Variants in FOXP2 observed in about 807,000 individuals in gnomAD.
FOXP2 encodes forkhead box P2, also known as forkhead box protein P2.
A neutral mutation model predicts 115.8 loss-of-function variants in FOXP2; 12 were observed. The observed-to-expected ratio is 0.10, with a 90% CI of 0.07 to 0.17. FOXP2 has a LOEUF of 0.17. Among genes scored for constraint, FOXP2 ranks in the 10% least tolerant of loss-of-function variants. The pLI is 1.00. For missense variants in FOXP2, 629 were observed against 843.5 expected, an observed-to-expected ratio of 0.75 and a Z score of 3.15; for synonymous variants, 328 against 297.7, an observed-to-expected ratio of 1.10 and a Z score of -1.05.
chr7:114,372,706 T>G (rs1008812182), intron 2 of FOXP2, among the ~76,000 whole-genome samples: 1 of 152,096 alleles, frequency 6.6e-6, no homozygotes, highest in Admixed American at 6.5e-5. Flanking sequence ...CATTTCACTG[T>G]TAGGGTTTTT....
At chr7:114,238,073 A>G (rs979541114) in intron 1 of FOXP2, among the ~76,000 whole-genome samples, 4 of 152,192 alleles carry the variant, frequency 2.6e-5, no homozygotes, top group Non-Finnish European at 5.9e-5. Context: ...CTTTTGACAT[A>G]TGTATTTTTT....
At chr7:114,540,357 C>A (rs1167918135) in intron 3 of FOXP2, among the ~76,000 whole-genome samples, 1 of 151,978 alleles carries the variant, frequency 6.6e-6, no homozygotes, top group Non-Finnish European at 1.5e-5. Flanking sequence ...TAGTGCCTAG[C>A]ACAGTGCTTG....
In FOXP2 at chr7:114,439,497, G is replaced by A. The variant is rs540479270; in HGVS notation, c.168+12818G>A. Among the ~76,000 whole-genome samples, 7 of 152,078 alleles carry A rather than the reference G, an allele frequency of 4.6e-5. No individual in the cohort carries two copies. In the East Asian group the frequency reaches 5.8e-4, roughly 13 times the overall value. On this transcript the variant is annotated intron_variant, in intron 2 of 16. Coordinates refer to ENST00000350908, the MANE Select transcript of FOXP2 (RefSeq NM_014491.4). The stretch of plus-strand genomic sequence containing the variant: ...TCTAATGATGTAATCAAATATAAAC[G>A]TGGTATTATAGCAACAATAAACAGC...
At chr7:114,263,950 G>A (rs1795826631) in intron 1 of FOXP2, among the ~76,000 whole-genome samples, 1 of 151,838 alleles carries the variant, frequency 6.6e-6, no homozygotes, top group African/African-American at 2.4e-5. Context: ...TAATATTTGT[G>A]TGTTTTAAAA....
At chr7:114,123,191 A>G (rs1347157504) in intron 1 of FOXP2, among the ~76,000 whole-genome samples, 2 of 151,860 alleles carry the variant, frequency 1.3e-5, no homozygotes, top group African/African-American at 2.4e-5. Context: ...TCTCTACAAA[A>G]TTAATTTAAA....
At chr7:114,682,171 A>G (rs1808118728) in intron 16 of FOXP2, among the ~76,000 whole-genome samples, 1 of 152,150 alleles carries the variant, frequency 6.6e-6, no homozygotes, top group African/African-American at 2.4e-5. Context: ...AGCTTTTCCA[A>G]GGTTGCATAG....
intron 1 of FOXP2, among the ~76,000 whole-genome samples, chr7:114,130,104 A>G (rs998685194): frequency 6.6e-6 from 1 of 152,254 alleles, no homozygotes; most frequent in Admixed American, 6.5e-5. Flanking sequence ...GCTTGAGCCC[A>G]GGAGTTCAAG....
At chr7:114,335,865 C>T (rs1207838138) in intron 2 of FOXP2, among the ~76,000 whole-genome samples, 1 of 151,190 alleles carries the variant, frequency 6.6e-6, no homozygotes, top group African/African-American at 2.4e-5. Context: ...CAATAATTTT[C>T]TATTCCTAAC....
chr7:114,649,439 G>A (rs931598156), intron 8 of FOXP2, among the ~76,000 whole-genome samples: 4 of 152,068 alleles, frequency 2.6e-5, no homozygotes, highest in African/African-American at 9.7e-5. Flanking sequence ...GGCACTGACT[G>A]AGAAAATCCA....
chr7:114,302,611 A>T (rs1225621934), intron 2 of FOXP2, among the ~76,000 whole-genome samples: 1 of 152,224 alleles, frequency 6.6e-6, no homozygotes, highest in Non-Finnish European at 1.5e-5. Context: ...ACACAGAAAG[A>T]TAACTCTATA....
chr7:114,259,971 C>A (rs112034939), intron 1 of FOXP2, among the ~76,000 whole-genome samples: 2,410 of 152,148 alleles, frequency 0.016, 31 homozygotes, highest in African/African-American at 0.029. Flanking sequence ...CTCACTGCAA[C>A]CTCCATCTCC....
At chr7:114,595,686 C>A (rs1352160665) in intron 3 of FOXP2, among the ~76,000 whole-genome samples, 1 of 151,912 alleles carries the variant, frequency 6.6e-6, no homozygotes, top group Non-Finnish European at 1.5e-5. Context: ...GGAAAAGAAT[C>A]CACAGTGCTA....
At chr7:114,643,818 A>T (rs959601563) in intron 7 of FOXP2, among the ~76,000 whole-genome samples, 1 of 152,202 alleles carries the variant, frequency 6.6e-6, no homozygotes. Context: ...CAAACTTCAT[A>T]TGTAAGTGTA....
At chr7:114,473,885 T>TAA (rs149594305) in intron 2 of FOXP2, among the ~76,000 whole-genome samples, 2 of 148,582 alleles carry the variant, frequency 1.3e-5, no homozygotes, top group African/African-American at 2.5e-5. Flanking sequence ...ACATCAAGTT[T>TAA]AAAAAAAAAA....
chr7:114,689,726 CA>C (rs1363050110), intron 16 of FOXP2, 55 bp from the exon 17 acceptor site: 3 of 1,604,166 alleles, frequency 1.9e-6, no homozygotes, highest in Admixed American at 1.7e-5. Flanking sequence ...CAAAGTTGGC[CA>C]AACTCTGTTT....
At chr7:114,300,632 G>A (rs1012455133) in intron 2 of FOXP2, among the ~76,000 whole-genome samples, 1 of 151,914 alleles carries the variant, frequency 6.6e-6, no homozygotes, top group East Asian at 1.9e-4. Flanking sequence ...CATTCCTCAA[G>A]CATTCTTAGT....
intron 3 of FOXP2, among the ~76,000 whole-genome samples, chr7:114,536,294 G>A (rs1253122468): frequency 1.3e-5 from 2 of 151,016 alleles, no homozygotes; most frequent in Non-Finnish European, 3.0e-5. Flanking sequence ...AGAGGAATTC[G>A]CAGTTGCTTC....
chr7:114,163,936 T>C (rs1792904172), intron 1 of FOXP2, among the ~76,000 whole-genome samples: 1 of 152,208 alleles, frequency 6.6e-6, no homozygotes, highest in Non-Finnish European at 1.5e-5. Context: ...TGATACATAT[T>C]GTTTGGTCTT....
chr7:114,118,039 G>C (rs753745705), intron 1 of FOXP2, among the ~76,000 whole-genome samples: 2 of 152,114 alleles, frequency 1.3e-5, no homozygotes, highest in African/African-American at 4.8e-5. Flanking sequence ...TTGGAGGTTA[G>C]ACTTCTAACA....
Sources: allele counts gnomAD v4.1 joint callset (sites outside exome capture counted in the v4.1 genomes callset), GRCh38; gene constraint gnomAD v4.1.1; transcripts MANE v1.5; gene names NCBI Gene and HGNC (gene_info 2026-07-23, HGNC 2026-07-21).